The following GRIK2 variants were observed in gnomAD, a reference collection of about 807,000 sequenced individuals.
The protein encoded by GRIK2 is glutamate ionotropic receptor kainate type subunit 2.
A neutral mutation model predicts 100.3 loss-of-function variants in GRIK2; 32 were observed. That is an observed-to-expected ratio of 0.32 (90% CI 0.24 to 0.43). The LOEUF (loss-of-function observed/expected upper bound fraction) is 0.43. Ranked by LOEUF, GRIK2 falls within the 20% of genes least tolerant of loss-of-function variation. The probability of loss-of-function intolerance (pLI) is 1.00; values close to 1 mark genes in which losing one functional copy is unlikely to be tolerated. For missense variants in GRIK2, 843 were observed against 1,114.9 expected (o/e 0.76, Z 3.47); for synonymous variants, 417 against 389.4 (o/e 1.07, Z -0.83).
intron 7 of GRIK2, among the ~76,000 whole-genome samples, chr6:101,715,416 C>A (rs1465563007): frequency 6.6e-6 from 1 of 151,666 alleles, no homozygotes; most frequent in African/African-American, 2.4e-5. Context: ...AGTTCCCTGG[C>A]AGACAGGAGG....
chr6:101,706,429 A>G (rs568669013), intron 7 of GRIK2, among the ~76,000 whole-genome samples: 99 of 152,040 alleles, frequency 6.5e-4, no homozygotes, highest in African/African-American at 2.2e-3. Flanking sequence ...CTATGCAAAC[A>G]TTGATGGCTT....
intron 2 of GRIK2, among the ~76,000 whole-genome samples, chr6:101,435,629 A>G (rs1358763236): frequency 6.6e-6 from 1 of 151,892 alleles, no homozygotes; most frequent in Admixed American, 6.6e-5. Flanking sequence ...CTAAATCTCT[A>G]TCTCTAGTTG....
At chr6:101,403,694 A>G (rs1229057254) in intron 2 of GRIK2, among the ~76,000 whole-genome samples, 1 of 152,104 alleles carries the variant, frequency 6.6e-6, no homozygotes. Flanking sequence ...ATTCTTTGAA[A>G]GAGATTTTTC....
chr6:101,654,067 C>A (rs1781944069), intron 4 of GRIK2, among the ~76,000 whole-genome samples: 1 of 152,144 alleles, frequency 6.6e-6, no homozygotes, highest in South Asian at 2.1e-4. Flanking sequence ...TTCTTTGTAC[C>A]TAGGATAGCA....
At chr6:101,972,137 G>A (rs778184750) in intron 14 of GRIK2, among the ~76,000 whole-genome samples, 3 of 151,944 alleles carry the variant, frequency 2.0e-5, no homozygotes, top group Non-Finnish European at 4.4e-5. Context: ...GGGTTGAAAG[G>A]TAGCTCTGTT....
intron 7 of GRIK2, among the ~76,000 whole-genome samples, chr6:101,752,898 ATT>A (rs754054578): frequency 6.6e-6 from 1 of 152,194 alleles, no homozygotes; most frequent in Non-Finnish European, 1.5e-5. Context: ...AAGAGAAAAT[ATT>A]GTTAGACGTA....
chr6:102,043,072 C>T (rs972780839), intron 15 of GRIK2, among the ~76,000 whole-genome samples: 2 of 151,540 alleles, frequency 1.3e-5, no homozygotes, highest in Non-Finnish European at 3.0e-5. Context: ...ATAAGCATCT[C>T]CCTTTATGAT....
intron 2 of GRIK2, among the ~76,000 whole-genome samples, chr6:101,485,211 G>A (rs989467): frequency 0.36 from 54,531 of 151,904 alleles, 9,899 homozygotes; most frequent in Middle Eastern, 0.4. Context: ...CAGCAAAGAG[G>A]TAACTCAGTT....
intron 4 of GRIK2, among the ~76,000 whole-genome samples, chr6:101,639,109 G>A (rs561963131): frequency 2.0e-5 from 3 of 152,164 alleles, no homozygotes; most frequent in African/African-American, 4.8e-5. Flanking sequence ...GCGCAATCTC[G>A]GCTCACTGCA....
rs138158523 is a variant in GRIK2, at chr6:101,480,538, G to A, written c.115+81146G>A. Among the ~76,000 whole-genome samples, 71 of 151,858 alleles carry A rather than the reference G, an allele frequency of 4.7e-4. No homozygotes were observed. The East Asian group carries it at 0.012, about 26-fold the overall frequency. The stretch of plus-strand genomic sequence containing the variant: ...GCCTCACTGTTGCTTTGTTGCTTTG[G>A]CTTTCACCTCTGCCAAAATATTGCT... On this transcript the variant is annotated intron_variant, in intron 2 of 16. Transcript: ENST00000369134.
intron 2 of GRIK2, among the ~76,000 whole-genome samples, chr6:101,609,756 CAA>C (rs1213320820): frequency 1.3e-5 from 2 of 151,594 alleles, no homozygotes; most frequent in East Asian, 1.9e-4. Context: ...AGTAAGCCAT[CAA>C]AGAGTTTTCA....
chr6:102,007,964 T>A (rs1178887666), intron 14 of GRIK2, among the ~76,000 whole-genome samples: 1 of 152,160 alleles, frequency 6.6e-6, no homozygotes, highest in Non-Finnish European at 1.5e-5. Flanking sequence ...AAACTGATGG[T>A]CTTACCAAGG....
Position 101,977,906 on chromosome 6 carries a change from G to A in GRIK2, c.2085+49274G>A, listed in dbSNP as rs542346187. ...CTCCTCGAGAAACTTTCCTGGAGGT[G>A]GACTATATGACAAACATACTTGAAA... On this transcript the variant is annotated intron_variant, in intron 14 of 16. Transcript: ENST00000369134. Among the ~76,000 whole-genome samples, 66 of 152,006 alleles carry A rather than the reference G, an allele frequency of 4.3e-4. 1 individual carries two copies. Among genetic ancestry groups the A allele is most frequent in the African/African-American group, 1.6e-3 (66 of 41,484 alleles).
chr6:101,920,535 A>G (rs1789419734), intron 12 of GRIK2, among the ~76,000 whole-genome samples: 1 of 151,904 alleles, frequency 6.6e-6, no homozygotes, highest in African/African-American at 2.4e-5. Context: ...AAGGAGGAAA[A>G]CAAATACTGA....
intron 14 of GRIK2, among the ~76,000 whole-genome samples, chr6:101,929,457 G>C (rs879835520): frequency 4.9e-5 from 7 of 143,286 alleles, no homozygotes; most frequent in Non-Finnish European, 9.0e-5. Context: ...CAGTTCAAAT[G>C]TACAGTGGAA....
At position 101,904,358 on chromosome 6, in the gene GRIK2, C is replaced by A. The variant is rs566765147; in HGVS notation, c.1748+14495C>A. ...CTTCATAGAACTTGTGTATAGATAACAATTTGAAGTTTTTAAAAAAATTAC... is the reference window on the plus strand; with the variant it reads ...CTTCATAGAACTTGTGTATAGATAAAAATTTGAAGTTTTTAAAAAAATTAC... On this transcript the variant is annotated intron_variant, in intron 12 of 16. Coordinates refer to ENST00000369134, the MANE Select transcript of GRIK2 (RefSeq NM_021956.5). Among the ~76,000 whole-genome samples the A allele has an allele frequency of 3.1e-4, 47 of 151,380 alleles. 1 individual carries two copies. The highest frequency in any genetic ancestry group is 6.2e-4 in the Non-Finnish European group (42 of 67,512).
chr6:101,953,564 G>T (rs1791731856), intron 14 of GRIK2, among the ~76,000 whole-genome samples: 1 of 152,150 alleles, frequency 6.6e-6, no homozygotes, highest in Non-Finnish European at 1.5e-5. Flanking sequence ...TATCTTTGGA[G>T]AAATGTTTAT....
At chr6:101,864,102 AGT>A (rs1784905575) in intron 11 of GRIK2, among the ~76,000 whole-genome samples, 1 of 148,982 alleles carries the variant, frequency 6.7e-6, no homozygotes, top group African/African-American at 2.5e-5. Context: ...GCGCCACTGC[AGT>A]CCGCAGTCCG....
chr6:101,578,423 C>G (rs1156700137), intron 2 of GRIK2, among the ~76,000 whole-genome samples: 3 of 152,098 alleles, frequency 2.0e-5, no homozygotes, highest in Non-Finnish European at 2.9e-5. Context: ...AGTCTCAGTT[C>G]CACTTTATAA....
Sources: gnomAD v4.1 joint callset for allele counts (sites outside exome capture counted in the v4.1 genomes callset) on GRCh38, gnomAD v4.1.1 for gene constraint, MANE v1.5 for transcripts, NCBI Gene and HGNC (gene_info 2026-07-23, HGNC 2026-07-21) for gene names.